Variants in EML1 observed in about 807,000 individuals in gnomAD.
EML1 encodes EMAP like 1, also known as echinoderm microtubule-associated protein-like 1.
In EML1, 27 loss-of-function variants were observed where a neutral mutation model predicts 110.4. The ratio of observed to expected loss-of-function variants is 0.24; its 90% confidence interval spans 0.18 to 0.34. The LOEUF (loss-of-function observed/expected upper bound fraction) is 0.34. EML1 is among the 10% of genes least tolerant of loss of function. EML1 has a pLI of 1.00. For missense variants in EML1, 741 were observed against 1,030.9 expected, an observed-to-expected ratio of 0.72 and a Z score of 3.85; for synonymous variants, 344 against 385.8, an observed-to-expected ratio of 0.89 and a Z score of 1.27.
Position 99,898,751 on chromosome 14 carries a change from C to CA in EML1, c.897+467dup, listed in dbSNP as rs35606709. ...TGGGTGACAGAGAGAGACTAAGTCT[C>CA]AAAAAAAAAAAAAAAAAATACTGAC... On this transcript the variant is annotated intron_variant, in intron 8 of 21. Transcript: ENST00000262233. Among the ~76,000 whole-genome samples the CA allele has an allele frequency of 8.0e-3, 856 of 107,542 alleles. 7 individuals are homozygous for CA. Among genetic ancestry groups the CA allele is most frequent in the African/African-American group, 0.021 (574 of 27,316 alleles). The allele number at this position is 107,542 out of a possible 152,430, so 70.6% of individuals were successfully genotyped here. A position where few individuals can be genotyped will look rare whatever the true frequency, so the allele number is the denominator to read the frequency against.
chr14:99,793,360 G>A (rs2057704504), upstream of EML1: 2 of 988,720 alleles, frequency 2.0e-6, no homozygotes, highest in Non-Finnish European at 1.2e-6. Flanking sequence ...AGCAGCAGCC[G>A]CCACAGCAGG....
At chr14:99,906,596 C>A (rs1011520512) in intron 9 of EML1, among the ~76,000 whole-genome samples, 1 of 152,182 alleles carries the variant, frequency 6.6e-6, no homozygotes, top group East Asian at 1.9e-4. Context: ...TCAGCAAGAT[C>A]TTTATAACCT....
chr14:99,805,825 A>G (rs930473663), intron 1 of EML1, among the ~76,000 whole-genome samples: 2 of 152,030 alleles, frequency 1.3e-5, no homozygotes, highest in African/African-American at 2.4e-5. Context: ...TAAAATACAT[A>G]TAAAATTTAG....
chr14:99,887,301 G>A (rs1439530830), intron 4 of EML1, among the ~76,000 whole-genome samples: 3 of 152,222 alleles, frequency 2.0e-5, no homozygotes, highest in Admixed American at 2.0e-4. Flanking sequence ...TAAGAACTGT[G>A]CTGGAGTTCG....
chr14:99,886,933 G>A (rs2059486722), intron 4 of EML1, among the ~76,000 whole-genome samples: 1 of 152,222 alleles, frequency 6.6e-6, no homozygotes, highest in South Asian at 2.1e-4. Context: ...GACCATCCCT[G>A]TGCCCAAAGT....
At chr14:99,883,027 G>T (rs2059413760) in intron 4 of EML1, among the ~76,000 whole-genome samples, 1 of 152,072 alleles carries the variant, frequency 6.6e-6, no homozygotes, top group African/African-American at 2.4e-5. Context: ...GGCTCTTCAG[G>T]GCGCAAAGTT....
chr14:99,830,944 C>G (rs950248493), intron 1 of EML1, among the ~76,000 whole-genome samples: 2 of 152,198 alleles, frequency 1.3e-5, no homozygotes, highest in Non-Finnish European at 2.9e-5. Context: ...TCCCTTTTCT[C>G]TCTTTGACCA....
Position 99,910,360 on chromosome 14 carries a change from C to T in EML1, c.1339+19C>T, listed in dbSNP as rs1566932810. 6.4e-7 allele frequency: 1 copy of T among 1,571,370 alleles called. No homozygotes were observed. On this transcript the variant is annotated intron_variant, in intron 12 of 21. Transcript: ENST00000262233. ...GGAAAAGGTAATAAGTGATTGTTCCCAAAACCAATGGTTTTTGGTAATGTT... is the reference window on the plus strand; with the variant it reads ...GGAAAAGGTAATAAGTGATTGTTCCTAAAACCAATGGTTTTTGGTAATGTT...
intron 9 of EML1, among the ~76,000 whole-genome samples, chr14:99,906,345 C>A (rs1270549020): frequency 6.6e-6 from 1 of 152,180 alleles, no homozygotes; most frequent in Non-Finnish European, 1.5e-5. Context: ...GACAGAGCAG[C>A]CCCGAGGGCT....
chr14:99,825,481 G>A (rs944562814), intron 1 of EML1, among the ~76,000 whole-genome samples: 3 of 152,110 alleles, frequency 2.0e-5, no homozygotes, highest in African/African-American at 7.2e-5. Context: ...TACTGCCCGA[G>A]ATCACATACT....
upstream of EML1, among the ~76,000 whole-genome samples, chr14:99,768,717 CTT>C (rs546941574): frequency 1.3e-4 from 17 of 135,734 alleles, no homozygotes; most frequent in African/African-American, 1.6e-4. Context: ...CTTCTGTGGT[CTT>C]TTTTTTTTTT....
chr14:99,769,481 G>C (rs149515345), upstream of EML1, among the ~76,000 whole-genome samples: 91 of 152,294 alleles, frequency 6.0e-4, no homozygotes, highest in Middle Eastern at 6.8e-3. Context: ...GGGCAGGGAC[G>C]CAAGCTCCTC....
At chr14:99,938,976 C>T (rs1449343449) in intron 20 of EML1, among the ~76,000 whole-genome samples, 3 of 152,228 alleles carry the variant, frequency 2.0e-5, no homozygotes, top group Non-Finnish European at 4.4e-5. Context: ...TCCCCTTGCA[C>T]AGCAGAGCAT....
chr14:99,763,620 C>T (rs973763709), intron 1 of EML1, among the ~76,000 whole-genome samples: 3 of 152,180 alleles, frequency 2.0e-5, no homozygotes, highest in African/African-American at 4.8e-5. Context: ...ATGAGGAGCA[C>T]TTAGACTCAT....
At chr14:99,828,426 C>T (rs2058395610) in intron 1 of EML1, among the ~76,000 whole-genome samples, 1 of 152,172 alleles carries the variant, frequency 6.6e-6, no homozygotes, top group South Asian at 2.1e-4. Flanking sequence ...CATGGTATCA[C>T]AGTTCTTGTA....
At position 99,939,133 on chromosome 14, in the gene EML1, C is replaced by A. The variant is rs2060528538; in HGVS notation, c.2192-64C>A. On this transcript the variant is annotated intron_variant, in intron 20 of 21. Transcript: ENST00000262233. This position sits in a 1 kb window ranked among gnomAD's most constrained non-coding sequence, Gnocchi z 4.2. ...GTTCAGGACCGTTCAGTGGGCGCTT[C>A]CTGCGCCATGTGGCCCTGTGGCCCC... is the stretch of plus-strand genomic sequence containing the variant. 1 of 1,590,760 alleles carries A rather than the reference C, an allele frequency of 6.3e-7. No individual in the cohort carries two copies. The highest frequency in any genetic ancestry group is 1.8e-5 in the Admixed American group (1 of 56,046).
intron 1 of EML1, among the ~76,000 whole-genome samples, chr14:99,749,334 T>G (rs2057149723): frequency 6.6e-6 from 1 of 150,996 alleles, no homozygotes; most frequent in Admixed American, 6.6e-5. Context: ...TACTGTCTTC[T>G]CGCCCCCCCA....
chr14:99,774,991 G>GA (rs1290917624), intron 1 of EML1, among the ~76,000 whole-genome samples: 1 of 152,002 alleles, frequency 6.6e-6, no homozygotes, highest in African/African-American at 2.4e-5. Context: ...CCAGTGATCA[G>GA]AAAAAAAGCT....
chr14:99,855,969 G>C (rs1315345271), intron 2 of EML1, among the ~76,000 whole-genome samples: 1 of 152,170 alleles, frequency 6.6e-6, no homozygotes, highest in Non-Finnish European at 1.5e-5. Flanking sequence ...TGCTACACTG[G>C]CACTTAACAC....
Sources: gnomAD v4.1 joint callset for allele counts (sites outside exome capture counted in the v4.1 genomes callset) on GRCh38, gnomAD v4.1.1 for gene constraint, Gnocchi (gnomAD v3.1) non-coding constraint, MANE v1.5 for transcripts, NCBI Gene and HGNC (gene_info 2026-07-23, HGNC 2026-07-21) for gene names.